CNBD2: variants seen among roughly 807,000 people sequenced by gnomAD.
CNBD2 encodes cyclic nucleotide binding domain containing 2.
Under a neutral mutation model 63.7 loss-of-function variants are expected in CNBD2, and 64 were observed. The observed-to-expected ratio is 1.00, with a 90% CI of 0.82 to 1.24. The LOEUF (loss-of-function observed/expected upper bound fraction) is 1.24. CNBD2 is among the 50% of genes most tolerant of loss of function. CNBD2 has a pLI of 0.00. For synonymous variants in CNBD2, 229 were observed against 255.4 expected, an observed-to-expected ratio of 0.90 and a Z score of 0.99; for missense variants, 691 against 713.5, an observed-to-expected ratio of 0.97 and a Z score of 0.36.
chr20:35,995,823 T>C (rs1378813271), intron 8 of CNBD2, among the ~76,000 whole-genome samples: 1 of 152,224 alleles, frequency 6.6e-6, no homozygotes, highest in Non-Finnish European at 1.5e-5. Flanking sequence ...TATGGTATCT[T>C]AGTCAGTTTT....
chr20:36,011,415 G>A (rs978019752), intron 10 of CNBD2, among the ~76,000 whole-genome samples, 158 bp downstream of exon 10: 8 of 152,146 alleles, frequency 5.3e-5, no homozygotes, highest in Non-Finnish European at 8.8e-5. Context: ...GGCCGGGCGC[G>A]GTGGCTCACA....
chr20:35,955,723 C>T (rs2056249616), downstream of CNBD2, among the ~76,000 whole-genome samples: 1 of 152,138 alleles, frequency 6.6e-6, no homozygotes, highest in African/African-American at 2.4e-5. Flanking sequence ...TGACAGCCCT[C>T]GGCCAGGTGG....
upstream of CNBD2, among the ~76,000 whole-genome samples, chr20:35,966,924 T>C (rs1159688473): frequency 2.0e-5 from 3 of 152,260 alleles, no homozygotes; most frequent in Non-Finnish European, 4.4e-5. Context: ...AATGCAGTTA[T>C]AACCTTTTGC....
At chr20:35,963,501 C>T (rs1311908045) in intron 2 of CNBD2, among the ~76,000 whole-genome samples, 1 of 151,940 alleles carries the variant, frequency 6.6e-6, no homozygotes, top group Non-Finnish European at 1.5e-5. Flanking sequence ...ATTAGCCAGG[C>T]ACGATGGTGG....
At chr20:35,971,011 G>A (rs1396330126) in intron 1 of CNBD2, among the ~76,000 whole-genome samples, 6 of 149,784 alleles carry the variant, frequency 4.0e-5, no homozygotes, top group Admixed American at 3.3e-4. Flanking sequence ...GCAGTGGCGG[G>A]ATCTCGGCTC....
At chr20:35,965,131 T>C (rs1206575451), upstream of CNBD2, among the ~76,000 whole-genome samples, 1 of 152,130 alleles carries the variant, frequency 6.6e-6, no homozygotes, top group Non-Finnish European at 1.5e-5. Flanking sequence ...GCATTTGTTG[T>C]ATAGCTTTTA....
chr20:35,996,593 T>C (rs1283244392), intron 8 of CNBD2, among the ~76,000 whole-genome samples: 1 of 151,074 alleles, frequency 6.6e-6, no homozygotes, highest in Admixed American at 6.6e-5. Context: ...CTGCAACCTC[T>C]GCCTCCCAGG....
chr20:35,969,850 C>T (rs1477850125), intron 1 of CNBD2, among the ~76,000 whole-genome samples: 1 of 152,210 alleles, frequency 6.6e-6, no homozygotes, highest in Non-Finnish European at 1.5e-5. Flanking sequence ...TTGTGAAGTA[C>T]ACACATCCTC....
At chr20:35,961,580 T>C (rs1276494972) in intron 2 of CNBD2, among the ~76,000 whole-genome samples, 4 of 152,192 alleles carry the variant, frequency 2.6e-5, no homozygotes, top group African/African-American at 7.2e-5. Context: ...TTTTTCCTGT[T>C]CCCTGCCTCC....
chr20:35,982,027 G>A lies in CNBD2; in HGVS notation c.407+1405G>A, dbSNP rs139607765. Among the ~76,000 whole-genome samples, 521 of 152,298 alleles carry A rather than the reference G, an allele frequency of 3.4e-3. 1 individual carries two copies. Among genetic ancestry groups the A allele is most frequent in the African/African-American group, 0.012 (496 of 41,564 alleles). On this transcript the variant is annotated intron_variant, in intron 4 of 11. Transcript: ENST00000373973. ...CTGAATAGTGGAGAAGACAGGGAAGGCCATTGCAGGCAGGGGAGCAACATG... is the reference window on the plus strand; with the variant it reads ...CTGAATAGTGGAGAAGACAGGGAAGACCATTGCAGGCAGGGGAGCAACATG...
At chr20:36,028,163 C>T (rs923109589) in intron 11 of CNBD2, among the ~76,000 whole-genome samples, 6 of 152,200 alleles carry the variant, frequency 3.9e-5, no homozygotes, top group African/African-American at 1.4e-4. Context: ...GTTTAAGGAG[C>T]CTTAGCTCCT....
At chr20:35,971,033 C>T (rs1353839670) in intron 1 of CNBD2, among the ~76,000 whole-genome samples, 3 of 148,268 alleles carry the variant, frequency 2.0e-5, no homozygotes, top group Non-Finnish European at 4.5e-5. Flanking sequence ...CTGCAAGCTC[C>T]GCCTCCCGGG....
intron 2 of CNBD2, among the ~76,000 whole-genome samples, chr20:35,975,493 G>T (rs2056501411): frequency 7.1e-6 from 1 of 140,286 alleles, no homozygotes; most frequent in Non-Finnish European, 1.6e-5. Context: ...GTAGAGACGG[G>T]GTTTCACCTT....
chr20:35,964,742 T>G (rs1416509649), upstream of CNBD2, among the ~76,000 whole-genome samples: 1 of 149,610 alleles, frequency 6.7e-6, no homozygotes, highest in Non-Finnish European at 1.5e-5. Context: ...CTCACTCTGT[T>G]GCCAGGCTGG....
chr20:35,974,571 A>C (rs1001515676), intron 2 of CNBD2: 2 of 153,982 alleles, frequency 1.3e-5, no homozygotes, highest in African/African-American at 4.8e-5. Flanking sequence ...GCTGGAGTGC[A>C]GGATCAGGTG....
intron 8 of CNBD2, among the ~76,000 whole-genome samples, chr20:35,999,679 C>CTTT (rs35106057): frequency 1.4e-5 from 2 of 142,108 alleles, no homozygotes; most frequent in Admixed American, 7.1e-5. Context: ...CAAGTATCTT[C>CTTT]TTTTTTTTTT....
At chr20:35,954,549 G>A (rs779210895), upstream of CNBD2, 831 of 1,499,892 alleles carry the variant, frequency 5.5e-4, 1 homozygote, top group Non-Finnish European at 7.1e-4. Context: ...CGGGCTCCCG[G>A]AAGCGGCGCC....
chr20:35,981,606 T>C (rs1482264905), intron 4 of CNBD2, among the ~76,000 whole-genome samples: 2 of 152,072 alleles, frequency 1.3e-5, no homozygotes, highest in Non-Finnish European at 1.5e-5. Context: ...TGGCTAATTT[T>C]ACTTTTTATT....
At chr20:36,015,072 A>G (rs1471535078) in intron 10 of CNBD2, among the ~76,000 whole-genome samples, 1 of 152,218 alleles carries the variant, frequency 6.6e-6, no homozygotes, top group South Asian at 2.1e-4. Context: ...GGTATGACTC[A>G]ACATCTCATT....
Sources: gnomAD v4.1 joint callset for allele counts (sites outside exome capture counted in the v4.1 genomes callset) on GRCh38, gnomAD v4.1.1 for gene constraint, MANE v1.5 for transcripts, NCBI Gene and HGNC (gene_info 2026-07-23, HGNC 2026-07-21) for gene names.